CNTNAP5: variants seen among roughly 807,000 people sequenced by gnomAD.
The protein encoded by CNTNAP5 is contactin-associated protein-like 5.
A neutral mutation model predicts 150.2 loss-of-function variants in CNTNAP5; 72 were observed. The observed-to-expected ratio is 0.48, with a 90% CI of 0.40 to 0.58. The LOEUF is 0.58. Ranked by LOEUF, CNTNAP5 falls within the 20% of genes least tolerant of loss-of-function variation. The pLI is 0.00. For missense variants in CNTNAP5, 1,636 were observed against 1,626.2 expected, an observed-to-expected ratio of 1.01 and a Z score of -0.10; for synonymous variants, 672 against 619.8, an observed-to-expected ratio of 1.08 and a Z score of -1.25.
chr2:124,153,632 CAG>C (rs1474665514), intron 1 of CNTNAP5, among the ~76,000 whole-genome samples: 3 of 109,518 alleles, frequency 2.7e-5, no homozygotes, highest in Non-Finnish European at 5.2e-5. Context: ...TTTTTTGAGA[CAG>C]AGTCTTGATC....
At chr2:124,222,735 T>G (rs1416619472) in intron 2 of CNTNAP5, among the ~76,000 whole-genome samples, 1 of 151,918 alleles carries the variant, frequency 6.6e-6, no homozygotes, top group Non-Finnish European at 1.5e-5. Flanking sequence ...TGTGTTTTTT[T>G]TTTTTTTACA....
intron 13 of CNTNAP5, among the ~76,000 whole-genome samples, chr2:124,659,586 C>T (rs967660773): frequency 1.1e-4 from 17 of 152,264 alleles, no homozygotes; most frequent in South Asian, 2.1e-4. Context: ...TTCTTCTCTG[C>T]GAAATAGCTA....
chr2:124,477,053 A>G (rs1693657793), intron 7 of CNTNAP5, among the ~76,000 whole-genome samples: 1 of 152,050 alleles, frequency 6.6e-6, no homozygotes, highest in Admixed American at 6.6e-5. Context: ...ATTCAGAGAT[A>G]TTTTAGGTAA....
Position 124,858,584 on chromosome 2 carries a change from G to C in CNTNAP5, c.3218-6722G>C, listed in dbSNP as rs140971381. On this transcript the variant is annotated intron_variant, in intron 19 of 23. Coordinates refer to ENST00000682447, the MANE Select transcript of CNTNAP5 (RefSeq NM_001367498.1). Reference sequence around the variant, plus strand: ...AAATAGAAGAATATTCCATTCTCATGGATAGGAAGAATCAATATCGTGAAA... The same window carrying C: ...AAATAGAAGAATATTCCATTCTCATCGATAGGAAGAATCAATATCGTGAAA... Among the ~76,000 whole-genome samples the C allele has an allele frequency of 2.8e-3, 429 of 152,290 alleles. 9 individuals carry two copies. The highest frequency in any genetic ancestry group is 9.5e-3 in the African/African-American group (395 of 41,542).
intron 5 of CNTNAP5, among the ~76,000 whole-genome samples, chr2:124,442,576 A>C (rs1692701008): frequency 6.6e-6 from 1 of 152,226 alleles, no homozygotes; most frequent in South Asian, 2.1e-4. Context: ...GAAAGTACTT[A>C]GGGAAAACTA....
chr2:124,694,761 G>A (rs1679370249), intron 13 of CNTNAP5, among the ~76,000 whole-genome samples: 1 of 152,116 alleles, frequency 6.6e-6, no homozygotes, highest in African/African-American at 2.4e-5. Context: ...CTCACAGAAT[G>A]TATTCATTGA....
At chr2:124,407,764 A>C (rs1293948723) in intron 3 of CNTNAP5, among the ~76,000 whole-genome samples, 3 of 152,180 alleles carry the variant, frequency 2.0e-5, no homozygotes, top group African/African-American at 4.8e-5. Context: ...CCTCTCTGTA[A>C]TATGAGTTGC....
chr2:124,293,879 C>A (rs964483740), intron 3 of CNTNAP5, among the ~76,000 whole-genome samples: 7 of 147,806 alleles, frequency 4.7e-5, no homozygotes, highest in African/African-American at 1.7e-4. Flanking sequence ...TCAAAGGAAG[C>A]AGTGAGAGTG....
Position 124,799,151 on chromosome 2 carries a change from T to A in CNTNAP5, c.3217+831T>A, listed in dbSNP as rs558053510. On this transcript the variant is annotated intron_variant, in intron 19 of 23. Transcript: ENST00000682447. ...TCAATTTGCATGGTATCTAATAGGT[T>A]CTAGTGCCTAAATTGCCCATTATTA... 3.4e-4 allele frequency among the ~76,000 whole-genome samples: 52 copies of A among 152,284 alleles called. No individual in the cohort carries two copies. The Middle Eastern group carries it at 0.014, about 40-fold the overall frequency.
intron 13 of CNTNAP5, among the ~76,000 whole-genome samples, chr2:124,659,684 G>A (rs1004139793): frequency 1.2e-4 from 18 of 151,364 alleles, no homozygotes; most frequent in Admixed American, 1.1e-3. Flanking sequence ...GTATGGGGCT[G>A]GACTAGTGGC....
chr2:124,217,997 CT>C (rs1686202248), intron 1 of CNTNAP5, among the ~76,000 whole-genome samples: 1 of 152,152 alleles, frequency 6.6e-6, no homozygotes, highest in Non-Finnish European at 1.5e-5. Flanking sequence ...CCTCAATATG[CT>C]TTCCACTAAT....
chr2:124,897,094 G>A lies in CNTNAP5; in HGVS notation c.3437-5788G>A, dbSNP rs1678321837. On this transcript the variant is annotated intron_variant, in intron 21 of 23. Coordinates refer to ENST00000682447, the MANE Select transcript of CNTNAP5 (RefSeq NM_001367498.1). Reference sequence around the variant, plus strand: ...CAGTGTTTCTCAAAATGTGTTCCACGAACCATCTATATCATAATTACCTGA... The same window carrying A: ...CAGTGTTTCTCAAAATGTGTTCCACAAACCATCTATATCATAATTACCTGA... Among the ~76,000 whole-genome samples the A allele has an allele frequency of 2.0e-5, 3 of 151,246 alleles. 1 individual carries two copies. The highest frequency in any genetic ancestry group is 7.4e-5 in the African/African-American group (3 of 40,754).
At chr2:124,175,432 A>T (rs868118737) in intron 1 of CNTNAP5, among the ~76,000 whole-genome samples, 38 of 151,748 alleles carry the variant, frequency 2.5e-4, no homozygotes, top group African/African-American at 9.2e-4. Context: ...TTCTCCTGTG[A>T]TCTTTTTTAT....
chr2:124,292,489 G>C (rs1688321172), intron 3 of CNTNAP5, among the ~76,000 whole-genome samples: 1 of 151,918 alleles, frequency 6.6e-6, no homozygotes. Context: ...TTGACTTCTG[G>C]GAAGAATATT....
chr2:124,758,854 C>A (rs922031358), intron 14 of CNTNAP5, among the ~76,000 whole-genome samples: 7 of 152,008 alleles, frequency 4.6e-5, no homozygotes, highest in Non-Finnish European at 7.4e-5. Context: ...TAGCCATGGA[C>A]AAGGGGAGGA....
At chr2:124,028,846 G>A (rs1235397505) in intron 1 of CNTNAP5, among the ~76,000 whole-genome samples, 2 of 152,058 alleles carry the variant, frequency 1.3e-5, no homozygotes, top group East Asian at 3.9e-4. Context: ...AGCAATTGAG[G>A]TATGCGTCTA....
At chr2:124,691,261 AATC>A (rs1468620443) in intron 13 of CNTNAP5, among the ~76,000 whole-genome samples, 5 of 152,120 alleles carry the variant, frequency 3.3e-5, no homozygotes, top group Non-Finnish European at 5.9e-5. Context: ...TATGACCTAT[AATC>A]ATACAAGGTA....
At chr2:124,463,687 C>T (rs889327093) in intron 6 of CNTNAP5, among the ~76,000 whole-genome samples, 1 of 152,096 alleles carries the variant, frequency 6.6e-6, no homozygotes, top group African/African-American at 2.4e-5. Flanking sequence ...TGGAGAGAGC[C>T]GTAAGGATGT....
At chr2:124,412,993 C>T (rs1171222443) in intron 3 of CNTNAP5, among the ~76,000 whole-genome samples, 1 of 58,246 alleles carries the variant, frequency 1.7e-5, no homozygotes, top group Non-Finnish European at 3.5e-5. Flanking sequence ...TGACAAAGGG[C>T]TAATATCCAG....
Sources: allele counts gnomAD v4.1 joint callset (sites outside exome capture counted in the v4.1 genomes callset), GRCh38; gene constraint gnomAD v4.1.1; transcripts MANE v1.5; gene names NCBI Gene and HGNC (gene_info 2026-07-23, HGNC 2026-07-21).